PCDH9: variants seen among roughly 807,000 people sequenced by gnomAD.
PCDH9 encodes protocadherin 9, also known as protocadherin-9.
PCDH9 carries 24 observed loss-of-function variants against 70.6 expected under a neutral mutation model. That is an observed-to-expected ratio of 0.34 (90% confidence interval 0.25 to 0.48). The LOEUF is 0.48. Among genes scored for constraint, PCDH9 ranks in the 20% least tolerant of loss-of-function variants. The probability of loss-of-function intolerance (pLI) is 0.99; values close to 1 mark genes in which losing one functional copy is unlikely to be tolerated. For missense variants in PCDH9, 1,281 were observed against 1,503.6 expected (o/e 0.85, Z 2.45); for synonymous variants, 562 against 558.5 (o/e 1.01, Z -0.09).
rs773145681 is a variant in PCDH9, at chr13:66,320,238, C to T, written c.3341-15210G>A. On this transcript the variant is annotated intron_variant, in intron 4 of 4. Transcript: ENST00000377865. ...TAAAAATTTATGCTGGATTTATAAT[C>T]GCAGTCTCTGTGTCTTTTTGATTTC... Among the ~76,000 whole-genome samples, 13 of 151,992 alleles carry T rather than the reference C, an allele frequency of 8.6e-5. 1 individual carries two copies. The highest frequency in any genetic ancestry group is 1.9e-4 in the Non-Finnish European group (13 of 68,012).
Position 67,228,488 on chromosome 13 carries a change from C to T in PCDH9, c.-48G>A. 1 of 1,469,540 alleles carries T rather than the reference C, an allele frequency of 6.8e-7. No individual in the cohort carries two copies. The highest frequency in any genetic ancestry group is 9.1e-7 in the Non-Finnish European group (1 of 1,094,070). 91.0% of individuals were successfully genotyped at this position (1,469,540 alleles called of 1,614,324 possible). ...CCTGGATTTTAGGGTTTAAAGGTTT[C>T]CACTGAGGAATGATGCACAAATTGC... On this transcript the variant is annotated 5_prime_UTR_variant, in exon 2 of 5. The change creates a premature stop within an existing upstream ORF in the 5' untranslated region. Coordinates refer to ENST00000377865, the MANE Select transcript of PCDH9 (RefSeq NM_203487.3).
At chr13:67,059,372 A>ATG (rs2085490131) in intron 2 of PCDH9, among the ~76,000 whole-genome samples, 1 of 143,040 alleles carries the variant, frequency 7.0e-6, no homozygotes, top group South Asian at 2.1e-4. Flanking sequence ...TATAGTGTGT[A>ATG]TATATATATA....
chr13:66,610,521 T>A (rs2077281184), intron 4 of PCDH9, among the ~76,000 whole-genome samples: 1 of 152,178 alleles, frequency 6.6e-6, no homozygotes, highest in East Asian at 1.9e-4. Flanking sequence ...TTCTCTTTCC[T>A]CTTTATTATG....
At chr13:67,032,267 G>C (rs761263191) in intron 2 of PCDH9, among the ~76,000 whole-genome samples, 1 of 151,832 alleles carries the variant, frequency 6.6e-6, no homozygotes, top group Admixed American at 6.6e-5. Context: ...CCTCAACCTC[G>C]CAAGTAGCTG....
chr13:66,669,632 G>C (rs1297114732), intron 3 of PCDH9, among the ~76,000 whole-genome samples: 1 of 152,130 alleles, frequency 6.6e-6, no homozygotes, highest in Non-Finnish European at 1.5e-5. Flanking sequence ...GGGAATGGAG[G>C]ATAAGAAAGT....
At chr13:66,377,250 T>A (rs1038931919) in intron 4 of PCDH9, among the ~76,000 whole-genome samples, 3 of 152,148 alleles carry the variant, frequency 2.0e-5, no homozygotes, top group Non-Finnish European at 4.4e-5. Flanking sequence ...TGAGGCCAGT[T>A]GTTCTCAAAT....
chr13:66,820,236 A>G (rs2080686231), intron 3 of PCDH9, among the ~76,000 whole-genome samples: 1 of 152,132 alleles, frequency 6.6e-6, no homozygotes, highest in African/African-American at 2.4e-5. Context: ...ATTATACACT[A>G]TGCACTGTAT....
At chr13:67,083,791 A>C (rs1001824814) in intron 2 of PCDH9, among the ~76,000 whole-genome samples, 3 of 152,202 alleles carry the variant, frequency 2.0e-5, no homozygotes, top group Non-Finnish European at 2.9e-5. Flanking sequence ...AAACATAAAC[A>C]TGACATAATG....
intron 4 of PCDH9, among the ~76,000 whole-genome samples, chr13:66,399,370 T>C (rs1405468594): frequency 2.0e-5 from 3 of 152,202 alleles, no homozygotes; most frequent in East Asian, 1.9e-4. Flanking sequence ...TGCATCTTTC[T>C]ATCTTTTGCC....
chr13:67,175,437 A>C (rs4883798), intron 2 of PCDH9, among the ~76,000 whole-genome samples: 137,926 of 152,164 alleles, frequency 0.91, 63,351 homozygotes, highest in Non-Finnish European at 0.98. Flanking sequence ...AAACACTACA[A>C]GCAGGGCCTG....
intron 4 of PCDH9, among the ~76,000 whole-genome samples, chr13:66,620,885 A>T (rs1211025694): frequency 6.6e-6 from 1 of 152,138 alleles, no homozygotes; most frequent in Non-Finnish European, 1.5e-5. Context: ...AAGCTTACTG[A>T]GTCTTGGTTT....
intron 3 of PCDH9, among the ~76,000 whole-genome samples, chr13:66,650,757 T>C (rs2138989901): frequency 6.6e-6 from 1 of 152,092 alleles, no homozygotes; most frequent in Middle Eastern, 3.4e-3. Context: ...ACATGAATCA[T>C]TCTCAAGGGT....
intron 2 of PCDH9, among the ~76,000 whole-genome samples, chr13:67,173,312 C>G (rs1319845071): frequency 6.6e-6 from 1 of 152,078 alleles, no homozygotes; most frequent in African/African-American, 2.4e-5. Flanking sequence ...AAATCTACCA[C>G]CTAAGAGGTA....
At chr13:66,866,810 A>G (rs553437665) in intron 3 of PCDH9, among the ~76,000 whole-genome samples, 1 of 152,302 alleles carries the variant, frequency 6.6e-6, no homozygotes, top group South Asian at 2.1e-4. Context: ...AAAATAAAAT[A>G]ATAAAATAAA....
intron 4 of PCDH9, among the ~76,000 whole-genome samples, chr13:66,425,026 C>A (rs572173585): frequency 5.9e-5 from 9 of 151,876 alleles, no homozygotes; most frequent in African/African-American, 1.9e-4. Flanking sequence ...CAAACCACAA[C>A]AAAGAGAAGG....
chr13:66,331,129 G>A (rs1221767904), intron 4 of PCDH9, among the ~76,000 whole-genome samples: 5 of 152,224 alleles, frequency 3.3e-5, no homozygotes, highest in Admixed American at 2.0e-4. Context: ...GTGTATGTGC[G>A]TGTGTTTGCG....
At chr13:66,319,770 A>G (rs2138085118) in intron 4 of PCDH9, among the ~76,000 whole-genome samples, 1 of 152,228 alleles carries the variant, frequency 6.6e-6, no homozygotes, top group South Asian at 2.1e-4. Flanking sequence ...GTAATATAAA[A>G]GTCAAAAGCA....
chr13:67,048,649 T>C (rs1337156054), intron 2 of PCDH9, among the ~76,000 whole-genome samples: 1 of 152,194 alleles, frequency 6.6e-6, no homozygotes, highest in Non-Finnish European at 1.5e-5. Context: ...GTGAGCTGAA[T>C]GGAGTTTTGC....
intron 2 of PCDH9, chr13:67,217,270 A>AG (rs1271389797): frequency 9.2e-5 from 5 of 54,154 alleles, no homozygotes; most frequent in East Asian, 1.7e-3. Context: ...TTGTTTAATG[A>AG]GGAAAAAAAA....
Sources: allele counts gnomAD v4.1 joint callset (sites outside exome capture counted in the v4.1 genomes callset), GRCh38; gene constraint gnomAD v4.1.1; transcripts MANE v1.5; gene names NCBI Gene and HGNC (gene_info 2026-07-23, HGNC 2026-07-21).